The following RAPGEF4 variants were observed in gnomAD, a reference collection of about 807,000 sequenced individuals.
The protein encoded by RAPGEF4 is RAP guanine-nucleotide-exchange factor (GEF) 4.
In RAPGEF4, 66 loss-of-function variants were observed where a neutral mutation model predicts 147.9. The ratio of observed to expected loss-of-function variants is 0.45; its 90% confidence interval spans 0.37 to 0.55. The LOEUF (loss-of-function observed/expected upper bound fraction) is 0.55, where lower values mean the gene tolerates loss of function less well. Among genes scored for constraint, RAPGEF4 ranks in the 20% least tolerant of loss-of-function variants. RAPGEF4 has a pLI of 0.00. For synonymous variants in RAPGEF4, 419 were observed against 442.7 expected, an observed-to-expected ratio of 0.95 and a Z score of 0.67; for missense variants, 1,071 against 1,257.3, an observed-to-expected ratio of 0.85 and a Z score of 2.24.
At chr2:172,851,485 A>ACAT (rs1236494827) in intron 4 of RAPGEF4, among the ~76,000 whole-genome samples, 1 of 152,174 alleles carries the variant, frequency 6.6e-6, no homozygotes, top group Non-Finnish European at 1.5e-5. Flanking sequence ...CTATAAAGAC[A>ACAT]CATGCACATG....
intron 30 of RAPGEF4, among the ~76,000 whole-genome samples, chr2:173,049,014 T>G (rs975345793): frequency 5.9e-5 from 9 of 152,174 alleles, no homozygotes; most frequent in Non-Finnish European, 1.0e-4. Context: ...GTTGAGAAAC[T>G]CACATCAGCC....
intron 1 of RAPGEF4, among the ~76,000 whole-genome samples, chr2:172,777,054 T>A (rs545604115): frequency 1.3e-5 from 2 of 152,266 alleles, no homozygotes; most frequent in Admixed American, 6.5e-5. Context: ...TTTCTTTTTT[T>A]AAAAAAGATC....
chr2:172,926,033 C>CGGAGGGAGGGAGGGAGGGAGGGAGGGAG (rs568855259), intron 6 of RAPGEF4, among the ~76,000 whole-genome samples: 1 of 52,598 alleles, frequency 1.9e-5, no homozygotes, highest in Non-Finnish European at 3.3e-5. Flanking sequence ...GAGGGAGGGA[C>CGGAGGGAGGGAGGGAGGGAGGGAGGGAG]GGAGGGAGGG....
At chr2:172,839,272 C>T (rs916249048) in intron 4 of RAPGEF4, among the ~76,000 whole-genome samples, 1 of 151,844 alleles carries the variant, frequency 6.6e-6, no homozygotes, top group African/African-American at 2.4e-5. Context: ...GGCGAGTCTG[C>T]AGTGCAAAGT....
At chr2:172,960,924 G>A in intron 7 of RAPGEF4, 111 bp downstream of exon 7, 1 of 977,944 alleles carries the variant, frequency 1.0e-6, no homozygotes, top group Non-Finnish European at 1.5e-6. Context: ...ACATTTTCTA[G>A]AGACAGGAAA....
At chr2:172,983,634 T>C in intron 11 of RAPGEF4, 54 bp downstream of exon 11, 1 of 1,605,262 alleles carries the variant, frequency 6.2e-7, no homozygotes, top group Non-Finnish European at 8.5e-7. Flanking sequence ...AAATGCACTG[T>C]TAGGACAGAG....
At chr2:172,794,135 T>C (rs12615893) in intron 1 of RAPGEF4, among the ~76,000 whole-genome samples, 5,444 of 151,776 alleles carry the variant, frequency 0.036, 144 homozygotes, top group East Asian at 0.11. Context: ...CCCAGCACTT[T>C]GGGAGGCTGA....
At chr2:172,737,113 A>G (rs932617732) in intron 1 of RAPGEF4, among the ~76,000 whole-genome samples, 1 of 152,228 alleles carries the variant, frequency 6.6e-6, no homozygotes, top group African/African-American at 2.4e-5. Context: ...TAATTTGAGA[A>G]AAGCTAAATG....
chr2:172,739,581 G>A (rs1694125319), intron 1 of RAPGEF4, among the ~76,000 whole-genome samples: 2 of 152,122 alleles, frequency 1.3e-5, no homozygotes, highest in Non-Finnish European at 1.5e-5. Flanking sequence ...ATGTTGGCCA[G>A]GCTGGTCTTG....
chr2:172,938,024 A>G (rs887550538), intron 6 of RAPGEF4, among the ~76,000 whole-genome samples: 1 of 152,040 alleles, frequency 6.6e-6, no homozygotes. Context: ...TTGCATATAT[A>G]TTCTCGGCTC....
At chr2:172,985,700 T>C (rs376614631) in intron 12 of RAPGEF4, among the ~76,000 whole-genome samples, 2 of 152,250 alleles carry the variant, frequency 1.3e-5, no homozygotes, top group African/African-American at 4.8e-5. Context: ...GGTTTTCTAG[T>C]ACCAGCAAGT....
chr2:173,017,653 C>T lies in RAPGEF4; in HGVS notation c.2008+149C>T, dbSNP rs138801999. 2.3e-3 allele frequency: 1,575 copies of T among 694,074 alleles called. 5 individuals are homozygous for T. Among genetic ancestry groups the T allele is most frequent in the Middle Eastern group, 7.7e-3 (19 of 2,466 alleles). 43.0% of individuals were successfully genotyped at this position (694,074 alleles called of 1,614,324 possible). ...TGCTTGGAGGTGCCCTTTGGTGGCCCGATTATTTATGTCCTTAAACTCTTG... is the reference window on the plus strand; with the variant it reads ...TGCTTGGAGGTGCCCTTTGGTGGCCTGATTATTTATGTCCTTAAACTCTTG... On this transcript the variant is annotated intron_variant, in intron 21 of 30. Transcript: ENST00000397081.
intron 17 of RAPGEF4, among the ~76,000 whole-genome samples, chr2:173,014,029 GA>G (rs1008721955): frequency 1.2e-4 from 19 of 152,128 alleles, no homozygotes; most frequent in African/African-American, 4.6e-4. Context: ...CAGTTTTACT[GA>G]AATGCATGTA....
chr2:172,854,404 C>A (rs1171960181), intron 4 of RAPGEF4, among the ~76,000 whole-genome samples: 1 of 151,724 alleles, frequency 6.6e-6, no homozygotes, highest in African/African-American at 2.4e-5. Flanking sequence ...CTGTGGTTTT[C>A]TTATGCTTTC....
intron 5 of RAPGEF4, among the ~76,000 whole-genome samples, chr2:172,918,674 G>T (rs547668469): frequency 6.6e-6 from 1 of 152,220 alleles, no homozygotes; most frequent in East Asian, 1.9e-4. Context: ...ATGCATGTCG[G>T]AAACATGGTT....
chr2:172,872,742 C>T (rs1575098313), intron 4 of RAPGEF4, among the ~76,000 whole-genome samples: 1 of 152,218 alleles, frequency 6.6e-6, no homozygotes, highest in East Asian at 1.9e-4. Flanking sequence ...GTAAGTTTCC[C>T]AAGGCCTCCT....
intron 6 of RAPGEF4, among the ~76,000 whole-genome samples, chr2:172,949,943 T>A (rs1180352822): frequency 1.3e-5 from 2 of 152,346 alleles, no homozygotes; most frequent in African/African-American, 2.4e-5. Flanking sequence ...ACTTCCAAAG[T>A]TTTGAGAAAT....
intron 6 of RAPGEF4, among the ~76,000 whole-genome samples, chr2:172,934,139 A>G (rs1035496335): frequency 2.4e-5 from 3 of 126,092 alleles, no homozygotes; most frequent in Non-Finnish European, 5.1e-5. Flanking sequence ...ACTATATTTT[A>G]TTTAATCCTT....
chr2:172,869,787 C>T (rs2149805318), intron 4 of RAPGEF4, among the ~76,000 whole-genome samples: 1 of 152,226 alleles, frequency 6.6e-6, no homozygotes, highest in South Asian at 2.1e-4. Flanking sequence ...ATTTGGAGGG[C>T]AGGGATTGTA....
Sources: allele counts gnomAD v4.1 joint callset (sites outside exome capture counted in the v4.1 genomes callset), GRCh38; gene constraint gnomAD v4.1.1; transcripts MANE v1.5; gene names NCBI Gene and HGNC (gene_info 2026-07-23, HGNC 2026-07-21).